The following QDPR variants were observed in gnomAD, a reference collection of about 807,000 sequenced individuals.
QDPR encodes quinoid dihydropteridine reductase, also known as dihydropteridine reductase.
Under a neutral mutation model 31.7 loss-of-function variants are expected in QDPR, and 23 were observed. The ratio of observed to expected loss-of-function variants is 0.73; its 90% CI spans 0.52 to 1.03. The LOEUF (loss-of-function observed/expected upper bound fraction) is 1.03, where lower values mean the gene tolerates loss of function less well. QDPR is among the 50% of genes least tolerant of loss of function. QDPR has a pLI of 0.00. For missense variants in QDPR, 324 were observed against 323.8 expected (o/e 1.00, Z 0.00); for synonymous variants, 124 against 124.7 (o/e 0.99, Z 0.03).
intron 2 of QDPR, among the ~76,000 whole-genome samples, chr4:17,506,589 T>A (rs1345880619): frequency 6.6e-6 from 1 of 152,252 alleles, no homozygotes; most frequent in Non-Finnish European, 1.5e-5. Context: ...CCAGGGCCTT[T>A]CTGTGCCTCA....
intron 5 of QDPR, 112 bp downstream of exon 5, chr4:17,492,120 A>C (rs1718185194): frequency 1.3e-6 from 1 of 774,804 alleles, no homozygotes; most frequent in African/African-American, 1.7e-5. Flanking sequence ...GTGTTTCAGA[A>C]CCAGAGGTGA....
intron 1 of QDPR, 122 bp from the exon 2 acceptor site, chr4:17,509,485 G>A (rs1036328868): frequency 1.9e-5 from 16 of 837,870 alleles, no homozygotes; most frequent in Non-Finnish European, 3.0e-5. Context: ...CCAGCACTTT[G>A]GGAGCCAATG....
intron 5 of QDPR, among the ~76,000 whole-genome samples, chr4:17,491,040 A>T (rs1189287655): frequency 6.6e-6 from 1 of 152,216 alleles, no homozygotes; most frequent in African/African-American, 2.4e-5. Flanking sequence ...TTTAAAAAAG[A>T]GTCTTCACTG....
chr4:17,488,211 T>C (rs1384271191), intron 6 of QDPR, among the ~76,000 whole-genome samples: 1 of 151,530 alleles, frequency 6.6e-6, no homozygotes, highest in Non-Finnish European at 1.5e-5. Flanking sequence ...GGGTAAGCCA[T>C]GATCGTGACA....
intron 4 of QDPR, among the ~76,000 whole-genome samples, chr4:17,498,559 T>C (rs1285076702): frequency 6.6e-6 from 1 of 152,146 alleles, no homozygotes; most frequent in African/African-American, 2.4e-5. Context: ...AAGAATGACC[T>C]TTCCTTGGGG....
chr4:17,487,893 G>C (rs1429299283), intron 6 of QDPR, among the ~76,000 whole-genome samples: 1 of 152,212 alleles, frequency 6.6e-6, no homozygotes, highest in Non-Finnish European at 1.5e-5. Context: ...TAATCTCTGA[G>C]TGGCAGGATT....
In QDPR at chr4:17,509,337, C is replaced by T. The variant is rs149952362; in HGVS notation, c.132G>A (p.Glu44=). 15 of 1,614,000 alleles carry T rather than the reference C, an allele frequency of 9.3e-6. No homozygotes were observed. Among genetic ancestry groups the T allele is most frequent in the Middle Eastern group, 1.6e-4 (1 of 6,062 alleles). ...TGATGCTAGCGCTGGCCTCTTCATT[C>T]TCCACCACATCAACGCTGGCAACCC... ...NWWVASVDVV[E]NEEASASIIV... The change falls in exon 2 of 7, where the codon GAG becomes GAA. Residue 44 remains glutamate, a synonymous_variant. Coordinates refer to ENST00000281243, the MANE Select transcript of QDPR (RefSeq NM_000320.3).
At chr4:17,511,872 A>G in intron 1 of QDPR, 78 bp downstream of exon 1, 2 of 1,433,516 alleles carry the variant, frequency 1.4e-6, no homozygotes, top group African/African-American at 1.5e-5. Context: ...CTTCCTCTAG[A>G]CTGCCCCCCG....
intron 4 of QDPR, among the ~76,000 whole-genome samples, chr4:17,500,386 G>A (rs1718518685): frequency 6.6e-6 from 1 of 152,176 alleles, no homozygotes; most frequent in South Asian, 2.1e-4. Flanking sequence ...GTTATGGGCT[G>A]AAATAGATCC....
At chr4:17,510,485 A>G (rs1256046534) in intron 1 of QDPR, among the ~76,000 whole-genome samples, 1 of 152,238 alleles carries the variant, frequency 6.6e-6, no homozygotes, top group Non-Finnish European at 1.5e-5. Flanking sequence ...GCATCTATTC[A>G]TCAACATTTG....
intron 3 of QDPR, among the ~76,000 whole-genome samples, chr4:17,503,290 C>A (rs540440849): frequency 3.5e-4 from 53 of 152,032 alleles, no homozygotes; most frequent in Non-Finnish European, 6.5e-4. Flanking sequence ...AGTACATAAA[C>A]CTTGAGTGGA....
chr4:17,486,941 G>A lies in QDPR; in HGVS notation c.*190C>T, dbSNP rs759748053. ...ATGCTATTTGCAGGCCACCAGTCTC[G>A]CATGTCTTTACTTCACATAAATGTA... On this transcript the variant is annotated 3_prime_UTR_variant, in exon 7 of 7. Transcript: ENST00000281243. The A allele has an allele frequency of 1.1e-5, 7 of 617,812 alleles. No homozygotes were observed. Among genetic ancestry groups the A allele is most frequent in the Middle Eastern group, 4.4e-4 (1 of 2,264 alleles). The allele number at this position is 617,812 out of a possible 1,614,324, so 38.3% of individuals were successfully genotyped here.
chr4:17,499,356 T>C (rs1447086160), intron 4 of QDPR, among the ~76,000 whole-genome samples: 2 of 152,194 alleles, frequency 1.3e-5, no homozygotes, highest in African/African-American at 4.8e-5. Context: ...TCTTCTGTCA[T>C]TTAGAAAAAT....
intron 2 of QDPR, among the ~76,000 whole-genome samples, chr4:17,508,562 C>T (rs1183900707): frequency 1.3e-5 from 2 of 151,542 alleles, no homozygotes; most frequent in Non-Finnish European, 2.9e-5. Flanking sequence ...TAAATTGTGG[C>T]CATTCCATAA....
At chr4:17,499,539 C>T (rs1006103785) in intron 4 of QDPR, among the ~76,000 whole-genome samples, 1 of 152,188 alleles carries the variant, frequency 6.6e-6, no homozygotes, top group Admixed American at 6.5e-5. Flanking sequence ...GGACTTGTAA[C>T]ATCACATGCT....
At chr4:17,488,056 A>T (rs986119518) in intron 6 of QDPR, among the ~76,000 whole-genome samples, 1 of 152,116 alleles carries the variant, frequency 6.6e-6, no homozygotes, top group Non-Finnish European at 1.5e-5. Flanking sequence ...TGAGCCCAGG[A>T]GTTTTTGAGA....
intron 4 of QDPR, among the ~76,000 whole-genome samples, chr4:17,497,103 T>C (rs757133857): frequency 6.6e-6 from 1 of 152,106 alleles, no homozygotes; most frequent in African/African-American, 2.4e-5. Context: ...CACACTAGAA[T>C]GGGCACAGAA....
chr4:17,504,355 T>C, intron 3 of QDPR, 24 bp downstream of exon 3: 2 of 1,595,642 alleles, frequency 1.3e-6, no homozygotes, highest in Non-Finnish European at 1.7e-6. Flanking sequence ...GCAGAACAAA[T>C]GAGTGACTCA....
chr4:17,499,550 C>G (rs781587971), intron 4 of QDPR, among the ~76,000 whole-genome samples: 2 of 152,130 alleles, frequency 1.3e-5, no homozygotes, highest in Non-Finnish European at 2.9e-5. Context: ...ATCACATGCT[C>G]TAAGAAATGG....
Sources: allele counts gnomAD v4.1 joint callset (sites outside exome capture counted in the v4.1 genomes callset), GRCh38; gene constraint gnomAD v4.1.1; transcripts MANE v1.5; gene names NCBI Gene and HGNC (gene_info 2026-07-23, HGNC 2026-07-21).